Variants in TRIOBP observed in about 807,000 individuals in gnomAD.
TRIOBP encodes the protein TRIO and F-actin binding protein, also known as TRIO and F-actin-binding protein.
Under a neutral mutation model 238.8 loss-of-function variants are expected in TRIOBP, and 169 were observed. The ratio of observed to expected loss-of-function variants is 0.71; its 90% CI spans 0.62 to 0.80. The LOEUF is 0.80. Ranked by LOEUF, TRIOBP falls within the 30% of genes least tolerant of loss-of-function variation. The pLI is 0.00. For missense variants in TRIOBP, 2,838 were observed against 3,122.6 expected (o/e 0.91, Z 2.17); for synonymous variants, 1,150 against 1,274.4 (o/e 0.90, Z 2.08).
intron 11 of TRIOBP, chr22:37,746,118 C>A: frequency 1.1e-6 from 1 of 933,180 alleles, no homozygotes; most frequent in African/African-American, 1.8e-5. Context: ...CGCCCCCGGC[C>A]CGTCTCGCGC....
intron 18 of TRIOBP, among the ~76,000 whole-genome samples, chr22:37,767,835 TGA>T (rs1926577583): frequency 6.6e-6 from 1 of 152,158 alleles, no homozygotes; most frequent in Non-Finnish European, 1.5e-5. Context: ...ATAGATGGGC[TGA>T]GAGAGGTTGA....
intron 18 of TRIOBP, among the ~76,000 whole-genome samples, chr22:37,766,940 GAC>G (rs1163619785): frequency 2.0e-5 from 3 of 149,066 alleles, no homozygotes; most frequent in Non-Finnish European, 4.4e-5. Flanking sequence ...CAGCCTGGAT[GAC>G]AGAGTAAGAC....
rs572469366 is a variant in TRIOBP at position 37,759,167 on chromosome 22, G to A, written c.6227G>A (p.Arg2076Gln). ...TCTCCCTCGTAGGTTCAGGCTCTTC[G>A]GGCCCAGCTGGAGGCGTGGCGTCTC... ...EALEKEVQAL[R>Q]AQLEAWRLQG... Residue 2076 changes from arginine (R) to glutamine (Q), a missense_variant, in exon 17 of 24, where the codon CGG (arginine) becomes CAG (glutamine). This residue lies in a region of TRIOBP where 2,096 missense variants were observed against 2,137.4 expected (regional missense o/e 0.98). Coordinates refer to ENST00000644935, the MANE Select transcript of TRIOBP (RefSeq NM_001039141.3). 10 of 1,612,298 alleles carry A rather than the reference G, an allele frequency of 6.2e-6. No individual in the cohort carries two copies. The East Asian group carries it at 6.7e-5, about 11-fold the overall frequency.
intron 10 of TRIOBP, among the ~76,000 whole-genome samples, chr22:37,739,720 G>A (rs1396890847): frequency 6.6e-6 from 1 of 152,202 alleles, no homozygotes; most frequent in African/African-American, 2.4e-5. Context: ...GGAATGGGCG[G>A]GGACAGGGGA....
intron 15 of TRIOBP, among the ~76,000 whole-genome samples, chr22:37,757,354 C>A (rs1925979137): frequency 6.6e-6 from 1 of 152,098 alleles, no homozygotes; most frequent in South Asian, 2.1e-4. Flanking sequence ...CAGAGTGAGA[C>A]CCTGTCCCTT....
At chr22:37,768,219 G>A in intron 19 of TRIOBP, 43 bp downstream of exon 19, 1 of 1,543,594 alleles carries the variant, frequency 6.5e-7, no homozygotes, top group East Asian at 2.3e-5. Context: ...TGATGGTTAT[G>A]GGTTGAGGAA....
intron 3 of TRIOBP, 141 bp from the exon 4 acceptor site, chr22:37,710,286 C>T: frequency 1.5e-6 from 2 of 1,313,888 alleles, no homozygotes; most frequent in South Asian, 1.3e-5. Context: ...GTGCTTCTAG[C>T]CTGATGGGCA....
intron 17 of TRIOBP, 143 bp downstream of exon 17, chr22:37,759,407 C>G (rs778855613): frequency 5.5e-6 from 7 of 1,274,832 alleles, no homozygotes; most frequent in South Asian, 2.4e-5. Flanking sequence ...CTCATTTACT[C>G]TCCCCACAGC....
chr22:37,733,503 A>G (rs375996738), intron 8 of TRIOBP, 91 bp downstream of exon 8: 84 of 997,964 alleles, frequency 8.4e-5, no homozygotes, highest in Non-Finnish European at 1.3e-4. Context: ...GGGCTTGGAC[A>G]GGAAGGTCCT....
intron 6 of TRIOBP, among the ~76,000 whole-genome samples, chr22:37,722,818 G>T (rs1923903486): frequency 6.6e-6 from 1 of 152,236 alleles, no homozygotes; most frequent in Admixed American, 6.5e-5. Flanking sequence ...GGTGGCTGCT[G>T]TTGGGCCCAC....
chr22:37,769,493 G>A (rs1601669985), intron 21 of TRIOBP, 118 bp downstream of exon 21: 2 of 1,006,730 alleles, frequency 2.0e-6, no homozygotes, highest in Middle Eastern at 5.9e-4. Flanking sequence ...CCCAGTGGCT[G>A]GGCCAGCCTG....
chr22:37,765,830 G>T lies in TRIOBP; in HGVS notation c.6472+13G>T, dbSNP rs774492188. ...GCCACGGCCTCAGGTATGGACCCTG[G>T]GGGGGGCACAGTGGGCTGGGCTCTG... On this transcript the variant is annotated intron_variant, in intron 18 of 23. Transcript: ENST00000644935. The T allele has an allele frequency of 2.5e-6, 4 of 1,587,014 alleles. No individual in the cohort carries two copies. Among genetic ancestry groups the T allele is most frequent in the South Asian group, 2.3e-5 (2 of 88,348 alleles).
intron 12 of TRIOBP, among the ~76,000 whole-genome samples, chr22:37,752,456 C>G (rs904374273): frequency 3.9e-5 from 6 of 152,206 alleles, no homozygotes; most frequent in African/African-American, 1.4e-4. Context: ...GCTGTTTCCT[C>G]AGCTCTGTTC....
rs746952444 is a variant in TRIOBP, at chr22:37,759,683, C to T, written c.6324+419C>T. 3.5e-4 allele frequency: 532 copies of T among 1,517,698 alleles called. 2 individuals are homozygous for T. The highest frequency in any genetic ancestry group is 4.3e-4 in the Non-Finnish European group (488 of 1,136,586). 94.0% of individuals were successfully genotyped at this position (1,517,698 alleles called of 1,614,324 possible). A position where few individuals can be genotyped will look rare whatever the true frequency, so the allele number is the denominator to read the frequency against. Reference sequence around the variant, plus strand: ...CGAGGCCCACTGGGCCAAGGCCCCACACAAGGAGGTCTGCAGGACAGGGGA... The same window carrying T: ...CGAGGCCCACTGGGCCAAGGCCCCATACAAGGAGGTCTGCAGGACAGGGGA... On this transcript the variant is annotated intron_variant, in intron 17 of 23. Coordinates refer to ENST00000644935, the MANE Select transcript of TRIOBP (RefSeq NM_001039141.3).
At chr22:37,765,391 A>G (rs1364778405) in intron 17 of TRIOBP, among the ~76,000 whole-genome samples, 1 of 152,166 alleles carries the variant, frequency 6.6e-6, no homozygotes, top group Non-Finnish European at 1.5e-5. Context: ...TGGCAGAGAA[A>G]GGCCAGGGAT....
At position 37,710,221 on chromosome 22, in the gene TRIOBP, C is replaced by T. The variant is rs575272455; in HGVS notation, c.115-206C>T. 6.0e-4 allele frequency among the ~76,000 whole-genome samples: 91 copies of T among 152,360 alleles called. 1 individual carries two copies. Among genetic ancestry groups the T allele is most frequent in the Non-Finnish European group, 2.4e-4 (16 of 68,036 alleles). ...TCCAAGGCCCATATGTGTACACTCACGTGTGCAGGCACACACCAGGTACCT... is the reference window on the plus strand; with the variant it reads ...TCCAAGGCCCATATGTGTACACTCATGTGTGCAGGCACACACCAGGTACCT... On this transcript the variant is annotated intron_variant, in intron 3 of 23. Transcript: ENST00000644935.
Position 37,710,446 on chromosome 22 carries a change from G to C in TRIOBP, c.134G>C (p.Gly45Ala), listed in dbSNP as rs376754493. The C allele has an allele frequency of 6.2e-7, 1 of 1,613,388 alleles. No homozygotes were observed. Among genetic ancestry groups the C allele is most frequent in the African/African-American group, 1.3e-5 (1 of 74,916 alleles). Residue 45 changes from glycine to alanine, a missense_variant, in exon 4 of 24, where the codon GGT (glycine) becomes GCT (alanine). By Grantham distance (60) the Gly-to-Ala change is moderately conservative. Around this residue, in one of 5 missense-constraint regions of TRIOBP, gnomAD observed 535 missense variants for 537.3 expected, o/e 1.00. Transcript: ENST00000644935. ...ARYQELRSPSGAEVPYCDLPR... is the reference protein window; with the variant it reads ...ARYQELRSPSAAEVPYCDLPR... ...GCCCAGGAGCTCAGGAGCCCTTCAG[G>C]TGCTGAGGTGCCCTACTGCGACCTG...
Position 37,757,885 on chromosome 22 carries a change from G to A in TRIOBP, c.5960G>A (p.Arg1987His), listed in dbSNP as rs949729706. The change falls in exon 16 of 24, where the codon CGC (arginine) becomes CAC (histidine). Residue 1987 changes from arginine (R) to histidine (H), a missense_variant. By Grantham distance (29) the Arg-to-His change is conservative (BLOSUM62 0). This residue lies in a region of TRIOBP where 2,096 missense variants were observed against 2,137.4 expected (regional missense o/e 0.98). Coordinates refer to ENST00000644935, the MANE Select transcript of TRIOBP (RefSeq NM_001039141.3). ...CTGGCCCAGCGCTCCGAGGAGCGGCGCAAGTGGTTTGAGGCCACAGACAGC... is the reference window on the plus strand; with the variant it reads ...CTGGCCCAGCGCTCCGAGGAGCGGCACAAGTGGTTTGAGGCCACAGACAGC... ...RDLAQRSEER[R>H]KWFEATDSRT... 1.3e-5 allele frequency: 20 copies of A among 1,553,218 alleles called. No homozygotes were observed. The highest frequency in any genetic ancestry group is 3.6e-5 in the South Asian group (3 of 84,362).
chr22:37,773,528 C>T lies in TRIOBP; in HGVS notation c.*3-255C>T, dbSNP rs112861769. 6.8e-3 allele frequency among the ~76,000 whole-genome samples: 1,029 copies of T among 152,244 alleles called. 12 individuals carry two copies. The highest frequency in any genetic ancestry group is 0.023 in the African/African-American group (961 of 41,540). ...AGCCGCTGCACCTGGCCAAAGTGTT[C>T]TTATTTTTGCTTTTTCAACGCCACA... On this transcript the variant is annotated intron_variant, in intron 23 of 23. Transcript: ENST00000644935.
Sources: gnomAD v4.1 joint callset for allele counts (sites outside exome capture counted in the v4.1 genomes callset) on GRCh38, gnomAD v4.1.1 for gene constraint, gnomAD v4.1.1 regional missense constraint, MANE v1.5 for transcripts, NCBI Gene and HGNC (gene_info 2026-07-23, HGNC 2026-07-21) for gene names.